GHR: variants seen among roughly 807,000 people sequenced by gnomAD.
GHR encodes GH receptor.
Under a neutral mutation model 67.1 loss-of-function variants are expected in GHR, and 35 were observed. The ratio of observed to expected loss-of-function variants is 0.52; its 90% CI spans 0.40 to 0.69. The LOEUF (loss-of-function observed/expected upper bound fraction) is 0.69. GHR is among the 30% of genes least tolerant of loss of function. GHR has a pLI of 0.00. For missense variants in GHR, 792 were observed against 764.6 expected, an observed-to-expected ratio of 1.04 and a Z score of -0.42; for synonymous variants, 272 against 269.1, an observed-to-expected ratio of 1.01 and a Z score of -0.10.
intron 3 of GHR, among the ~76,000 whole-genome samples, chr5:42,666,905 G>A (rs965998619): frequency 6.6e-6 from 1 of 152,192 alleles, no homozygotes; most frequent in Non-Finnish European, 1.5e-5. Flanking sequence ...CTTGCCACAG[G>A]AGAATGGTGC....
intron 1 of GHR, among the ~76,000 whole-genome samples, chr5:42,469,777 G>T (rs528232760): frequency 1.4e-4 from 21 of 152,288 alleles, no homozygotes; most frequent in African/African-American, 5.1e-4. Context: ...AAAAGCATAA[G>T]CTGTGTTTCT....
At chr5:42,467,550 A>G in intron 1 of GHR, 1 of 1,475,642 alleles carries the variant, frequency 6.8e-7, no homozygotes. Flanking sequence ...TACTACGCCT[A>G]AAGGTTTTTT....
At chr5:42,510,581 A>G (rs1021880279) in intron 1 of GHR, among the ~76,000 whole-genome samples, 3 of 152,246 alleles carry the variant, frequency 2.0e-5, no homozygotes, top group Non-Finnish European at 2.9e-5. Flanking sequence ...CTTATACAAC[A>G]TAAAAAACTG....
chr5:42,592,753 G>C (rs1751856147), intron 2 of GHR, among the ~76,000 whole-genome samples: 1 of 152,144 alleles, frequency 6.6e-6, no homozygotes, highest in Admixed American at 6.5e-5. Context: ...TGGTAGAGCA[G>C]TTTATATTCC....
chr5:42,463,049 T>G (rs1744554977), intron 1 of GHR, among the ~76,000 whole-genome samples: 1 of 152,182 alleles, frequency 6.6e-6, no homozygotes, highest in African/African-American at 2.4e-5. Flanking sequence ...TTAAGGTTCA[T>G]ACTAAAAGAT....
chr5:42,647,338 G>A (rs546217335), intron 3 of GHR, among the ~76,000 whole-genome samples: 1 of 152,170 alleles, frequency 6.6e-6, no homozygotes, highest in South Asian at 2.1e-4. Context: ...ACTTTGGGAG[G>A]CCGAGGCGGG....
chr5:42,599,645 G>A (rs553562005), intron 2 of GHR, among the ~76,000 whole-genome samples: 3 of 152,226 alleles, frequency 2.0e-5, no homozygotes, highest in East Asian at 1.9e-4. Context: ...GATTACAGGC[G>A]TGAGCCACCA....
chr5:42,586,472 T>C (rs776507932), intron 2 of GHR, among the ~76,000 whole-genome samples: 3 of 152,214 alleles, frequency 2.0e-5, no homozygotes, highest in Non-Finnish European at 4.4e-5. Flanking sequence ...TTCTGGAAGA[T>C]GGAAATTGGC....
chr5:42,440,253 A>G (rs1743506468), intron 1 of GHR, among the ~76,000 whole-genome samples: 1 of 152,226 alleles, frequency 6.6e-6, no homozygotes, highest in African/African-American at 2.4e-5. Flanking sequence ...ACCAAGTATA[A>G]TTTAAAATTG....
chr5:42,489,163 A>G (rs1161576472), intron 1 of GHR, among the ~76,000 whole-genome samples: 2 of 151,226 alleles, frequency 1.3e-5, no homozygotes, highest in Non-Finnish European at 2.9e-5. Flanking sequence ...CTCTTTTTCA[A>G]TTTTGTTCTC....
At chr5:42,655,732 C>T (rs754701917) in intron 3 of GHR, among the ~76,000 whole-genome samples, 2 of 149,628 alleles carry the variant, frequency 1.3e-5, no homozygotes, top group African/African-American at 2.5e-5. Context: ...CACTGTCTAC[C>T]GAAATGAGAC....
At chr5:42,429,650 T>C (rs750000005) in intron 1 of GHR, among the ~76,000 whole-genome samples, 4 of 152,236 alleles carry the variant, frequency 2.6e-5, no homozygotes, top group Admixed American at 6.5e-5. Flanking sequence ...GAATGTACTA[T>C]AAATTTATGG....
intron 3 of GHR, among the ~76,000 whole-genome samples, chr5:42,637,833 C>T (rs554808632): frequency 9.8e-5 from 15 of 152,300 alleles, no homozygotes; most frequent in African/African-American, 3.6e-4. Context: ...TATGGGATTG[C>T]TAGGTTGAAT....
intron 2 of GHR, among the ~76,000 whole-genome samples, chr5:42,616,265 C>CG (rs1232354494): frequency 6.6e-6 from 1 of 151,634 alleles, no homozygotes; most frequent in Non-Finnish European, 1.5e-5. Context: ...TTTGATTGTT[C>CG]GGGAAAAAGG....
chr5:42,448,573 CTAT>C (rs56084873), intron 1 of GHR, among the ~76,000 whole-genome samples: 4,821 of 144,280 alleles, frequency 0.033, 98 homozygotes, highest in Middle Eastern at 0.091. Context: ...TATCTGTTTA[CTAT>C]TATTATTATT....
At chr5:42,594,621 T>C (rs1209743097) in intron 2 of GHR, among the ~76,000 whole-genome samples, 4 of 152,202 alleles carry the variant, frequency 2.6e-5, no homozygotes, top group African/African-American at 4.8e-5. Flanking sequence ...TTAGTAATAA[T>C]AAGTCCTTAG....
chr5:42,450,975 C>T (rs1027571460), intron 1 of GHR, among the ~76,000 whole-genome samples: 17 of 151,968 alleles, frequency 1.1e-4, no homozygotes, highest in African/African-American at 1.9e-4. Context: ...ATTTTTATTC[C>T]GCAGTTGTCT....
At chr5:42,605,251 G>T (rs1752574428) in intron 2 of GHR, among the ~76,000 whole-genome samples, 1 of 151,798 alleles carries the variant, frequency 6.6e-6, no homozygotes, top group Non-Finnish European at 1.5e-5. Flanking sequence ...TTACAGGCAT[G>T]CACCAACACG....
Position 42,718,903 on chromosome 5 carries a change from T to C in GHR, c.1396T>C (p.Ser466Pro). The part of the protein sequence containing the change: ...PQPLPTEGAE[S>P]THQAAHIQLS... ...ACCACTTCCTACTGAAGGAGCTGAG[T>C]CAACTCACCAAGCTGCCCATATTCA... The change falls in exon 10 of 10, where the codon TCA (serine) becomes CCA (proline). Residue 466 changes from serine (S) to proline (P), a missense_variant. Transcript: ENST00000230882. 1 of 1,614,006 alleles carries C rather than the reference T, an allele frequency of 6.2e-7. No individual in the cohort carries two copies.
Sources: gnomAD v4.1 joint callset for allele counts (sites outside exome capture counted in the v4.1 genomes callset) on GRCh38, gnomAD v4.1.1 for gene constraint, MANE v1.5 for transcripts, NCBI Gene and HGNC (gene_info 2026-07-23, HGNC 2026-07-21) for gene names.